The following PKP2 variants were observed in gnomAD, a reference collection of about 807,000 sequenced individuals.
PKP2 encodes plakophilin-2.
In PKP2, 73 loss-of-function variants were observed where a neutral mutation model predicts 83.4. The ratio of observed to expected loss-of-function variants is 0.88; its 90% CI spans 0.72 to 1.06. The LOEUF (loss-of-function observed/expected upper bound fraction) is 1.06. Among genes scored for constraint, PKP2 ranks in the 50% least tolerant of loss-of-function variants. The pLI is 0.00. For synonymous variants in PKP2, 409 were observed against 430.4 expected (o/e 0.95, Z 0.62); for missense variants, 966 against 1,065.4 (o/e 0.91, Z 1.30).
rs727504950 is a variant in PKP2 at position 32,796,220 on chromosome 12, G to T, written c.2246C>A (p.Ala749Asp). The T allele has an allele frequency of 5.0e-6, 8 of 1,613,214 alleles. No homozygotes were observed. The East Asian group carries it at 1.3e-4, about 27-fold the overall frequency. ...GTTGTTCAATGTGTAACAGGCAGAGGCTGTAGTTTCAATGAGAAGGTCAGT... is the reference window on the plus strand; with the variant it reads ...GTTGTTCAATGTGTAACAGGCAGAGTCTGTAGTTTCAATGAGAAGGTCAGT... ...PSTDLLIETT[A>D]SACYTLNNII... The change falls in exon 11 of 13, where the codon GCC (alanine) becomes GAC (aspartate). Residue 749 changes from alanine (A) to aspartate (D), a missense_variant. Coordinates refer to ENST00000340811, the MANE Select transcript of PKP2 (RefSeq NM_001005242.3).
chr12:32,855,712 G>A (rs1312860542), intron 4 of PKP2, among the ~76,000 whole-genome samples: 1 of 139,380 alleles, frequency 7.2e-6, no homozygotes, highest in Non-Finnish European at 1.5e-5. Context: ...GGAGGCAGAG[G>A]TTGCAGTGAG....
chr12:32,878,779 A>T, intron 2 of PKP2, 141 bp downstream of exon 2: 1 of 693,360 alleles, frequency 1.4e-6, no homozygotes, highest in East Asian at 2.7e-5. Context: ...TGGTATCCTC[A>T]TAAATATCAA....
rs1956409116 is a variant in PKP2, at chr12:32,824,088, T to C, written c.1631A>G (p.His544Arg). The change falls in exon 7 of 13, where the codon CAT becomes CGT. Residue 544 changes from histidine (H) to arginine (R), a missense_variant. Coordinates refer to ENST00000340811, the MANE Select transcript of PKP2 (RefSeq NM_001005242.3). ...RCDGLIDSLV[H>R]YVRGTIADYQ... ...ATCTGCAATGGTTCCTCTGACATAATGGACCAGTGAGTCAATGAGTCCGTC... is the reference window on the plus strand; with the variant it reads ...ATCTGCAATGGTTCCTCTGACATAACGGACCAGTGAGTCAATGAGTCCGTC... The C allele has an allele frequency of 1.2e-6, 2 of 1,611,628 alleles. No homozygotes were observed. The highest frequency in any genetic ancestry group is 1.7e-6 in the Non-Finnish European group (2 of 1,177,868).
chr12:32,793,613 C>CTTTCTT (rs1956093427), intron 11 of PKP2, among the ~76,000 whole-genome samples: 1 of 76,718 alleles, frequency 1.3e-5, no homozygotes, highest in African/African-American at 5.8e-5. Flanking sequence ...TCATATTCTG[C>CTTTCTT]TTTTTTTTTT....
At chr12:32,876,818 C>T (rs1956937288) in intron 3 of PKP2, among the ~76,000 whole-genome samples, 1 of 152,248 alleles carries the variant, frequency 6.6e-6, no homozygotes, top group Admixed American at 6.5e-5. Context: ...GCCTGGGCCA[C>T]TGCTCCCGGC....
rs1060501183 is a variant in PKP2, at chr12:32,822,546, T to C, written c.1760A>G (p.Tyr587Cys). 4.3e-6 allele frequency: 7 copies of C among 1,614,008 alleles called. No homozygotes were observed. Among genetic ancestry groups the C allele is most frequent in the African/African-American group, 2.7e-5 (2 of 74,942 alleles). Residue 587 changes from tyrosine (Y) to cysteine (C), a missense_variant, in exon 8 of 13, where the codon TAT becomes TGT. Coordinates refer to ENST00000340811, the MANE Select transcript of PKP2 (RefSeq NM_001005242.3). ...ELPEKYSQNI[Y>C]IQNRNIQTDN... ...AGTCTGGATATTCCGGTTTTGAATA[T>C]AGATATTCTGGGAATATTTCTCTGG...
At chr12:32,821,298 G>T in intron 9 of PKP2, 58 bp downstream of exon 9, 1 of 1,382,424 alleles carries the variant, frequency 7.2e-7, no homozygotes, top group Non-Finnish European at 1.0e-6. Flanking sequence ...TGAATTGAAT[G>T]TAGGTATGTC....
intron 6 of PKP2, among the ~76,000 whole-genome samples, chr12:32,834,803 T>G (rs114226811): frequency 0.013 from 1,976 of 152,266 alleles, 39 homozygotes; most frequent in African/African-American, 0.041. Context: ...AATTTCAGAC[T>G]TCTCCCGAAT....
Position 32,802,543 on chromosome 12 carries a change from A to T in PKP2, c.2027T>A (p.Val676Glu). The T allele has an allele frequency of 6.2e-7, 1 of 1,614,076 alleles. No homozygotes were observed. The highest frequency in any genetic ancestry group is 1.1e-5 in the South Asian group (1 of 91,090). Reference sequence around the variant, plus strand: ...TTCCTTCTGGACAACTGTCTGAGCCACTGATGTCGGCATCTGTTTTGTGAG... The same window carrying T: ...TTCCTTCTGGACAACTGTCTGAGCCTCTGATGTCGGCATCTGTTTTGTGAG... ...TAGSGPMPTS[V>E]AQTVVQKESG... The change falls in exon 10 of 13, where the codon GTG becomes GAG. Residue 676 changes from valine (V) to glutamate (E), a missense_variant. Transcript: ENST00000340811.
intron 1 of PKP2, among the ~76,000 whole-genome samples, chr12:32,887,448 T>C (rs552049395): frequency 7.2e-5 from 11 of 152,212 alleles, no homozygotes; most frequent in Non-Finnish European, 1.5e-4. Context: ...ACATTTTAAA[T>C]GTCCCCCTCC....
At chr12:32,859,611 C>G (rs1035164797) in intron 4 of PKP2, among the ~76,000 whole-genome samples, 19 of 152,060 alleles carry the variant, frequency 1.2e-4, no homozygotes, top group Admixed American at 3.9e-4. Context: ...TGCATGCCAC[C>G]ATGCCAGTTA....
chr12:32,879,215 C>G (rs1332946873), intron 1 of PKP2, among the ~76,000 whole-genome samples, 183 bp from the exon 2 acceptor site: 1 of 152,186 alleles, frequency 6.6e-6, no homozygotes, highest in East Asian at 1.9e-4. Flanking sequence ...GGCAAGTGAT[C>G]AAAGGTTATC....
At chr12:32,865,006 C>G (rs981711756) in intron 4 of PKP2, among the ~76,000 whole-genome samples, 16 of 152,156 alleles carry the variant, frequency 1.1e-4, no homozygotes, top group African/African-American at 3.9e-4. Flanking sequence ...CCCCAGTTTT[C>G]CATGGTATCC....
intron 9 of PKP2, among the ~76,000 whole-genome samples, chr12:32,808,222 C>T (rs1023285392): frequency 6.6e-6 from 1 of 152,102 alleles, no homozygotes; most frequent in African/African-American, 2.4e-5. Flanking sequence ...TTGTTCATTC[C>T]TTTTCATTCT....
At chr12:32,826,638 A>T (rs1444168153) in intron 6 of PKP2, among the ~76,000 whole-genome samples, 2 of 151,402 alleles carry the variant, frequency 1.3e-5, no homozygotes, top group Non-Finnish European at 2.9e-5. Flanking sequence ...TTGTTCATTT[A>T]AAAAAAAATG....
intron 4 of PKP2, among the ~76,000 whole-genome samples, chr12:32,862,703 C>T (rs954408974): frequency 1.4e-4 from 21 of 152,100 alleles, no homozygotes; most frequent in Admixed American, 1.3e-3. Context: ...GTGGCTCACA[C>T]CTCTAATCCC....
intron 6 of PKP2, among the ~76,000 whole-genome samples, chr12:32,835,899 C>A (rs1451784646): frequency 1.3e-5 from 2 of 152,176 alleles, no homozygotes; most frequent in Non-Finnish European, 2.9e-5. Context: ...CCTGCCTCAG[C>A]CTCCCAAGTT....
chr12:32,877,795 G>T (rs749688586), intron 3 of PKP2, 51 bp downstream of exon 3: 1 of 1,322,882 alleles, frequency 7.6e-7, no homozygotes. Flanking sequence ...AGGGCTGTGG[G>T]AACAGAATGT....
intron 7 of PKP2, among the ~76,000 whole-genome samples, chr12:32,823,610 CT>C (rs11355324): frequency 0.79 from 109,092 of 138,950 alleles, 42,660 homozygotes; most frequent in East Asian, 0.84. Flanking sequence ...TTTAATATTT[CT>C]TTTTTTTTTT....
Sources: allele counts gnomAD v4.1 joint callset (sites outside exome capture counted in the v4.1 genomes callset), GRCh38; gene constraint gnomAD v4.1.1; transcripts MANE v1.5; gene names NCBI Gene and HGNC (gene_info 2026-07-23, HGNC 2026-07-21).